The following CSRNP3 variants were observed in gnomAD, a reference collection of about 807,000 sequenced individuals.
CSRNP3 encodes cysteine/serine-rich nuclear protein 3.
In CSRNP3, 12 loss-of-function variants were observed where a neutral mutation model predicts 48.0. The ratio of observed to expected loss-of-function variants is 0.25; its 90% confidence interval spans 0.16 to 0.41. The LOEUF (loss-of-function observed/expected upper bound fraction) is 0.41. Among genes scored for constraint, CSRNP3 ranks in the 10% least tolerant of loss-of-function variants. The pLI is 1.00. For missense variants in CSRNP3, 580 were observed against 724.4 expected (o/e 0.80, Z 2.29); for synonymous variants, 263 against 269.7 (o/e 0.98, Z 0.24).
At chr2:165,588,046 A>AT (rs972118855) in intron 3 of CSRNP3, among the ~76,000 whole-genome samples, 4 of 152,304 alleles carry the variant, frequency 2.6e-5, no homozygotes, top group East Asian at 3.9e-4. Context: ...CTGCTCTTGT[A>AT]TTTTTTTATC....
In CSRNP3 at chr2:165,687,181, T is replaced by C. The variant is rs965366243; in HGVS notation, c.*7428T>C. ...TGGGTTTCCCCCTACATTTGGTGAT[T>C]ATTACATTAATATATGATCATTCCA... On this transcript the variant is annotated 3_prime_UTR_variant, in exon 7 of 7. Transcript: ENST00000651982. 6.6e-6 allele frequency: 1 copy of C among 152,134 alleles called. No homozygotes were observed. The highest frequency in any genetic ancestry group is 2.4e-5 in the African/African-American group (1 of 41,452). 9.4% of individuals were successfully genotyped at this position (152,134 alleles called of 1,614,324 possible).
At chr2:165,577,146 G>GAA (rs935574756) in intron 3 of CSRNP3, among the ~76,000 whole-genome samples, 12 of 131,796 alleles carry the variant, frequency 9.1e-5, no homozygotes, top group African/African-American at 3.3e-4. Flanking sequence ...CTATGAAATA[G>GAA]AAAAAAAAAA....
chr2:165,506,540 C>T (rs963944344), intron 2 of CSRNP3, among the ~76,000 whole-genome samples: 38 of 152,200 alleles, frequency 2.5e-4, no homozygotes, highest in Non-Finnish European at 2.8e-4. Flanking sequence ...TCCAGGGATT[C>T]GGCTCCCAGA....
At chr2:165,631,069 C>T (rs1686526782) in intron 4 of CSRNP3, among the ~76,000 whole-genome samples, 3 of 152,134 alleles carry the variant, frequency 2.0e-5, no homozygotes, top group East Asian at 1.9e-4. Context: ...TCATAATTGC[C>T]TTATTATTGC....
intron 4 of CSRNP3, among the ~76,000 whole-genome samples, chr2:165,651,342 G>T (rs1470112572): frequency 1.3e-5 from 2 of 152,184 alleles, no homozygotes; most frequent in Non-Finnish European, 2.9e-5. Context: ...AGATTGATTT[G>T]TGAGTGTGGA....
intron 3 of CSRNP3, among the ~76,000 whole-genome samples, chr2:165,540,887 AT>A (rs1452031885): frequency 6.6e-6 from 1 of 152,120 alleles, no homozygotes; most frequent in South Asian, 2.1e-4. Flanking sequence ...TTTCTGGGTA[AT>A]TTGTGTAATT....
intron 2 of CSRNP3, among the ~76,000 whole-genome samples, chr2:165,497,774 C>G (rs1331357353): frequency 3.3e-5 from 5 of 151,930 alleles, no homozygotes. Flanking sequence ...TGGCAGAGGA[C>G]TTTAATGTAG....
intron 2 of CSRNP3, among the ~76,000 whole-genome samples, chr2:165,509,586 T>G (rs965941484): frequency 1.3e-5 from 2 of 152,160 alleles, no homozygotes; most frequent in African/African-American, 2.4e-5. Context: ...GAATTATTTA[T>G]AGGCTTTTTA....
At chr2:165,635,335 C>T (rs1686609643) in intron 4 of CSRNP3, among the ~76,000 whole-genome samples, 2 of 152,208 alleles carry the variant, frequency 1.3e-5, no homozygotes, top group African/African-American at 4.8e-5. Context: ...ATAGGACAAT[C>T]TGATTCCTTT....
At chr2:165,538,777 CAT>C (rs1255021714) in intron 3 of CSRNP3, among the ~76,000 whole-genome samples, 2 of 151,814 alleles carry the variant, frequency 1.3e-5, no homozygotes, top group Non-Finnish European at 2.9e-5. Context: ...TGAGTCTTGA[CAT>C]ATTTTCTGGC....
chr2:165,574,453 C>T, intron 3 of CSRNP3: 10 of 1,504,342 alleles, frequency 6.6e-6, no homozygotes, highest in Non-Finnish European at 9.0e-6. Context: ...TTTCATGATG[C>T]GCCTGATTTT....
intron 3 of CSRNP3, among the ~76,000 whole-genome samples, chr2:165,578,656 T>C (rs1271046231): frequency 1.3e-5 from 2 of 151,952 alleles, no homozygotes; most frequent in Non-Finnish European, 2.9e-5. Flanking sequence ...CAAACCTGGG[T>C]AACTTTATTT....
intron 3 of CSRNP3, among the ~76,000 whole-genome samples, chr2:165,545,082 T>C (rs567274666): frequency 2.7e-4 from 41 of 152,170 alleles, no homozygotes; most frequent in Middle Eastern, 3.4e-3. Context: ...TTCTGATGGG[T>C]AATAAAAGGG....
intron 4 of CSRNP3, among the ~76,000 whole-genome samples, chr2:165,617,533 C>A (rs759053155): frequency 1.3e-5 from 2 of 152,156 alleles, no homozygotes; most frequent in Non-Finnish European, 2.9e-5. Flanking sequence ...AATCCTCAGG[C>A]CCCTAGGTGG....
intron 4 of CSRNP3, among the ~76,000 whole-genome samples, chr2:165,641,098 T>G (rs185305501): frequency 5.3e-5 from 8 of 152,350 alleles, no homozygotes; most frequent in Non-Finnish European, 8.8e-5. Flanking sequence ...CCACTATTAT[T>G]AAAATGTTTA....
At position 165,687,441 on chromosome 2, in the gene CSRNP3, C is replaced by G. The variant is rs1261505311; in HGVS notation, c.*7688C>G. On this transcript the variant is annotated 3_prime_UTR_variant, in exon 7 of 7. Transcript: ENST00000651982. ...CAAATGACTTGACTTTTAAGCTGTTCCATTTTCTAAGAAGTTACAATTACA... is the reference window on the plus strand; with the variant it reads ...CAAATGACTTGACTTTTAAGCTGTTGCATTTTCTAAGAAGTTACAATTACA... The G allele has an allele frequency of 2.0e-5, 3 of 152,066 alleles. No homozygotes were observed. In the East Asian group the frequency reaches 5.8e-4, roughly 29 times the overall value. 9.4% of individuals were successfully genotyped at this position (152,066 alleles called of 1,614,324 possible).
In CSRNP3 at chr2:165,666,019, AAGAG is replaced by A. The variant is rs1228053678; in HGVS notation, c.408+8008_408+8011del. On this transcript the variant is annotated intron_variant, in intron 5 of 6. Transcript: ENST00000651982. ...AAGGAAGGATAGAGAGGAAGAAAGA[AAGAG>A]AGAGAGAGGAAGGGAGGAAGGAAGG... Among the ~76,000 whole-genome samples, 504 of 124,766 alleles carry A rather than the reference AAGAG, an allele frequency of 4.0e-3. 12 individuals carry two copies. Among genetic ancestry groups the A allele is most frequent in the African/African-American group, 0.014 (450 of 32,112 alleles). The allele number at this position is 124,766 out of a possible 152,430, so 81.9% of individuals were successfully genotyped here.
Position 165,679,462 on chromosome 2 carries a change from T to C in CSRNP3, c.1467T>C (p.Gly489=), listed in dbSNP as rs748849970. The change falls in exon 7 of 7, where the codon GGT becomes GGC. Residue 489 remains glycine (G), a synonymous_variant. Transcript: ENST00000651982. ...DYARQAEEAY[G]ASHYPAANPS... is the part of the protein sequence containing the mutation. ...CCCGACAAGCAGAAGAGGCCTATGGTGCCTCCCACTACCCAGCTGCCAACC... is the reference window on the plus strand; with the variant it reads ...CCCGACAAGCAGAAGAGGCCTATGGCGCCTCCCACTACCCAGCTGCCAACC... 14 of 1,613,310 alleles carry C rather than the reference T, an allele frequency of 8.7e-6. No individual in the cohort carries two copies. The highest frequency in any genetic ancestry group is 1.2e-5 in the Non-Finnish European group (14 of 1,179,890).
chr2:165,687,966 T>C lies in CSRNP3; in HGVS notation c.*8213T>C, dbSNP rs1179112134. On this transcript the variant is annotated 3_prime_UTR_variant, in exon 7 of 7. Coordinates refer to ENST00000651982, the MANE Select transcript of CSRNP3 (RefSeq NM_001172173.2). ...CAGCTGCATATCTCCCAAACTCGGATGCTCTTGTGAAATGACAGCCACATC... is the reference window on the plus strand; with the variant it reads ...CAGCTGCATATCTCCCAAACTCGGACGCTCTTGTGAAATGACAGCCACATC... 2.0e-5 allele frequency: 3 copies of C among 151,594 alleles called. No homozygotes were observed. The highest frequency in any genetic ancestry group is 2.1e-4 in the South Asian group (1 of 4,798). 9.4% of individuals were successfully genotyped at this position (151,594 alleles called of 1,614,324 possible).
Sources: gnomAD v4.1 joint callset for allele counts (sites outside exome capture counted in the v4.1 genomes callset) on GRCh38, gnomAD v4.1.1 for gene constraint, MANE v1.5 for transcripts, NCBI Gene and HGNC (gene_info 2026-07-23, HGNC 2026-07-21) for gene names.